The following DDX10 variants were observed in gnomAD, a reference collection of about 807,000 sequenced individuals.
The protein encoded by DDX10 is DEAD-box helicase 10.
A neutral mutation model predicts 104.3 loss-of-function variants in DDX10; 74 were observed. The ratio of observed to expected loss-of-function variants is 0.71; its 90% CI spans 0.59 to 0.86. The LOEUF is 0.86. DDX10 is among the 40% of genes least tolerant of loss of function. The probability of loss-of-function intolerance (pLI) is 0.00; values close to 1 mark genes in which losing one functional copy is unlikely to be tolerated. For missense variants in DDX10, 952 were observed against 1,040.0 expected (o/e 0.92, Z 1.16); for synonymous variants, 351 against 353.4 (o/e 0.99, Z 0.08).
At chr11:108,746,656 A>G (rs2094332244) in intron 13 of DDX10, among the ~76,000 whole-genome samples, 1 of 152,112 alleles carries the variant, frequency 6.6e-6, no homozygotes, top group South Asian at 2.1e-4. Flanking sequence ...TGGCAGCACC[A>G]TTTTACATTT....
intron 13 of DDX10, among the ~76,000 whole-genome samples, chr11:108,771,002 A>G (rs1247580400): frequency 6.6e-6 from 1 of 151,938 alleles, no homozygotes; most frequent in African/African-American, 2.4e-5. Context: ...CCACGTCCTC[A>G]CCAGCATTTG....
At chr11:108,833,461 A>C (rs934967588) in intron 13 of DDX10, among the ~76,000 whole-genome samples, 39 of 152,220 alleles carry the variant, frequency 2.6e-4, no homozygotes, top group African/African-American at 8.9e-4. Context: ...TGAATGAGTG[A>C]AGAATAATTC....
intron 13 of DDX10, among the ~76,000 whole-genome samples, chr11:108,813,066 GT>G (rs1160941017): frequency 6.7e-6 from 1 of 149,346 alleles, no homozygotes; most frequent in African/African-American, 2.4e-5. Flanking sequence ...CATGATGCAT[GT>G]TTTTGAAAAC....
chr11:108,871,463 T>C (rs955524072), intron 16 of DDX10, among the ~76,000 whole-genome samples: 1 of 152,190 alleles, frequency 6.6e-6, no homozygotes, highest in Non-Finnish European at 1.5e-5. Flanking sequence ...TTCATCCCCT[T>C]TTCTTTCCAG....
chr11:108,815,017 G>C (rs1862236120), intron 13 of DDX10, among the ~76,000 whole-genome samples: 1 of 152,082 alleles, frequency 6.6e-6, no homozygotes, highest in East Asian at 1.9e-4. Flanking sequence ...GTATAAGTAG[G>C]AATGTTCTTT....
At chr11:108,895,282 A>C (rs1470050177) in intron 16 of DDX10, among the ~76,000 whole-genome samples, 1 of 151,588 alleles carries the variant, frequency 6.6e-6, no homozygotes, top group Admixed American at 6.6e-5. Flanking sequence ...CTTGTACTTA[A>C]GGTGTGATTT....
At chr11:108,859,056 C>G (rs528438949) in intron 16 of DDX10, among the ~76,000 whole-genome samples, 97 of 152,214 alleles carry the variant, frequency 6.4e-4, no homozygotes, top group Non-Finnish European at 1.1e-3. Flanking sequence ...CGTGAGTAGC[C>G]TGAATAATTG....
chr11:108,885,009 A>T (rs928189257), intron 16 of DDX10, among the ~76,000 whole-genome samples: 1 of 152,186 alleles, frequency 6.6e-6, no homozygotes, highest in Non-Finnish European at 1.5e-5. Context: ...CAAAAACACG[A>T]ATCAAGCTTT....
chr11:108,886,881 G>A (rs1260843222), intron 16 of DDX10, among the ~76,000 whole-genome samples: 3 of 152,160 alleles, frequency 2.0e-5, no homozygotes, highest in Non-Finnish European at 4.4e-5. Flanking sequence ...GGTTTCATCA[G>A]GCGAAAATTC....
chr11:108,734,160 T>C (rs1472118690), intron 13 of DDX10, among the ~76,000 whole-genome samples: 2 of 152,146 alleles, frequency 1.3e-5, no homozygotes, highest in African/African-American at 4.8e-5. Flanking sequence ...TTTTATCTCT[T>C]CCATACCTGG....
At chr11:108,853,895 G>A (rs557255720) in intron 16 of DDX10, among the ~76,000 whole-genome samples, 13 of 152,332 alleles carry the variant, frequency 8.5e-5, no homozygotes, top group African/African-American at 2.9e-4. Flanking sequence ...AGAAAGAAGA[G>A]CTGACATGGC....
At chr11:108,760,303 G>A (rs895535073) in intron 13 of DDX10, among the ~76,000 whole-genome samples, 6 of 151,986 alleles carry the variant, frequency 3.9e-5, no homozygotes, top group African/African-American at 9.7e-5. Flanking sequence ...TCCTTGGTGG[G>A]TTAGTGTGTA....
intron 9 of DDX10, among the ~76,000 whole-genome samples, chr11:108,697,449 A>T (rs2094261525): frequency 6.6e-6 from 1 of 152,212 alleles, no homozygotes. Context: ...AGGAAAACAA[A>T]TTCATTAGCA....
intron 17 of DDX10, chr11:108,918,269 G>C (rs1432900751): frequency 2.4e-6 from 1 of 418,740 alleles, no homozygotes; most frequent in Non-Finnish European, 4.1e-6. Flanking sequence ...TGATATATGA[G>C]TTGTGTTTTT....
At chr11:108,785,686 C>A (rs901795533) in intron 13 of DDX10, among the ~76,000 whole-genome samples, 1 of 152,052 alleles carries the variant, frequency 6.6e-6, no homozygotes, top group African/African-American at 2.4e-5. Flanking sequence ...GGAACTTATC[C>A]ATTTCCTCTA....
chr11:108,870,922 G>T (rs1171244595), intron 16 of DDX10, among the ~76,000 whole-genome samples: 2 of 152,170 alleles, frequency 1.3e-5, no homozygotes, highest in Non-Finnish European at 1.5e-5. Context: ...TGTTTTCACT[G>T]TGACACTTCC....
At chr11:108,765,149 A>G (rs975367014) in intron 13 of DDX10, among the ~76,000 whole-genome samples, 4 of 152,180 alleles carry the variant, frequency 2.6e-5, no homozygotes, top group African/African-American at 9.6e-5. Context: ...TATTTTGCCA[A>G]TTCCCTAAAG....
At chr11:108,877,231 TTGAATATAAATTTATG>T (rs1311399543) in intron 16 of DDX10, among the ~76,000 whole-genome samples, 2 of 152,222 alleles carry the variant, frequency 1.3e-5, no homozygotes, top group Non-Finnish European at 2.9e-5. Flanking sequence ...TGGTACAAAC[TTGAATATAAATTTATG>T]TGGTTGCTTC....
intron 13 of DDX10, among the ~76,000 whole-genome samples, chr11:108,793,454 A>C (rs185768469): frequency 8.0e-4 from 122 of 152,242 alleles, no homozygotes; most frequent in African/African-American, 2.8e-3. Context: ...AGTATATTTC[A>C]TGACTTGACC....
Sources: allele counts gnomAD v4.1 joint callset (sites outside exome capture counted in the v4.1 genomes callset), GRCh38; gene constraint gnomAD v4.1.1; transcripts MANE v1.5; gene names NCBI Gene and HGNC (gene_info 2026-07-23, HGNC 2026-07-21).